GRK5: variants seen among roughly 807,000 people sequenced by gnomAD.
GRK5 encodes the protein g protein-coupled receptor kinase GRK5.
Under a neutral mutation model 78.4 loss-of-function variants are expected in GRK5, and 40 were observed. The observed-to-expected ratio is 0.51, with a 90% CI of 0.40 to 0.66. GRK5 has a LOEUF of 0.66. Among genes scored for constraint, GRK5 ranks in the 30% least tolerant of loss-of-function variants. The probability of loss-of-function intolerance (pLI) is 0.00; values close to 1 mark genes in which losing one functional copy is unlikely to be tolerated. For synonymous variants in GRK5, 289 were observed against 296.8 expected (o/e 0.97, Z 0.27); for missense variants, 598 against 759.9 (o/e 0.79, Z 2.50).
rs188796110 is a variant in GRK5, at chr10:119,264,100, C to T, written c.52+56131C>T. On this transcript the variant is annotated intron_variant, in intron 1 of 15. Transcript: ENST00000392870. This position sits in a 1 kb window ranked among gnomAD's most constrained non-coding sequence, Gnocchi z 4.1. ...GACTTTTCTCAAATGTGATGCTCCT[C>T]AAGAGAGTCTATATTTGTTATCAAA... Among the ~76,000 whole-genome samples the T allele has an allele frequency of 2.6e-5, 4 of 152,234 alleles. No individual in the cohort carries two copies. The highest frequency in any genetic ancestry group is 5.9e-5 in the Non-Finnish European group (4 of 68,038).
chr10:119,330,703 C>T (rs1483331508), intron 2 of GRK5, among the ~76,000 whole-genome samples: 1 of 152,084 alleles, frequency 6.6e-6, no homozygotes, highest in East Asian at 1.9e-4. Flanking sequence ...GTGTCCCTCC[C>T]AGCCCCCTCC....
intron 1 of GRK5, among the ~76,000 whole-genome samples, chr10:119,237,818 G>A (rs1204327820): frequency 6.6e-6 from 1 of 152,122 alleles, no homozygotes; most frequent in Non-Finnish European, 1.5e-5. Flanking sequence ...AAGCAAGTGC[G>A]CTGGGAAATG....
At chr10:119,368,578 A>G (rs1851490426) in intron 2 of GRK5, among the ~76,000 whole-genome samples, 1 of 152,236 alleles carries the variant, frequency 6.6e-6, no homozygotes, top group Non-Finnish European at 1.5e-5. Context: ...AAAAGGGGAA[A>G]CCAAGGTCCA....
chr10:119,329,857 CTTTTT>C lies in GRK5; in HGVS notation c.148+3265_148+3269del, dbSNP rs1177940254. Among the ~76,000 whole-genome samples the C allele has an allele frequency of 5.4e-5, 6 of 110,382 alleles. No homozygotes were observed. In the East Asian group the frequency reaches 1.9e-3, roughly 35 times the overall value. 72.4% of individuals were successfully genotyped at this position (110,382 alleles called of 152,430 possible). ...CACACGCCAGCAACGCAGACACCTACTTTTTTTTTTTTTTTTTTTTTTTGAGATGG... is the reference window on the plus strand; with the variant it reads ...CACACGCCAGCAACGCAGACACCTACTTTTTTTTTTTTTTTTTTGAGATGG... On this transcript the variant is annotated intron_variant, in intron 2 of 15. Coordinates refer to ENST00000392870, the MANE Select transcript of GRK5 (RefSeq NM_005308.3).
chr10:119,407,902 G>T (rs1339674976), intron 4 of GRK5, among the ~76,000 whole-genome samples: 1 of 152,148 alleles, frequency 6.6e-6, no homozygotes, highest in Non-Finnish European at 1.5e-5. Flanking sequence ...GGTGGCTCAC[G>T]CCTGTAATTC....
chr10:119,399,621 A>AT (rs1448557093), intron 4 of GRK5, among the ~76,000 whole-genome samples: 2 of 152,214 alleles, frequency 1.3e-5, no homozygotes, highest in Non-Finnish European at 2.9e-5. Flanking sequence ...CAGCACTGTA[A>AT]TACCATGTCT....
intron 2 of GRK5, among the ~76,000 whole-genome samples, chr10:119,356,234 A>T (rs1174802221): frequency 1.3e-5 from 2 of 152,230 alleles, no homozygotes; most frequent in Non-Finnish European, 2.9e-5. Flanking sequence ...GTATTTCATT[A>T]TTTGATATTC....
chr10:119,295,005 A>G (rs1014828868), intron 1 of GRK5, among the ~76,000 whole-genome samples: 5 of 152,088 alleles, frequency 3.3e-5, no homozygotes, highest in Non-Finnish European at 5.9e-5. Context: ...CCTGGCTAAC[A>G]TGGTGAAACT....
At chr10:119,354,487 G>A (rs1457178915) in intron 2 of GRK5, among the ~76,000 whole-genome samples, 4 of 139,756 alleles carry the variant, frequency 2.9e-5, no homozygotes, top group African/African-American at 1.1e-4. Context: ...CTGCAGCCTC[G>A]ACCTTCCAGG....
At position 119,452,654 on chromosome 10, in the gene GRK5, C is replaced by T; in HGVS notation, c.1405-17C>T. ...GCAGGCGGGACATATGTGTGACCGG[C>T]CCTCTGCCCCTGGCAGCCCCGCGCT... On this transcript the variant is annotated splice_polypyrimidine_tract_variant and intron_variant, in intron 13 of 15. Coordinates refer to ENST00000392870, the MANE Select transcript of GRK5 (RefSeq NM_005308.3). This position sits in a 1 kb window ranked among gnomAD's most constrained non-coding sequence, Gnocchi z 4.4. 1 of 1,613,618 alleles carries T rather than the reference C, an allele frequency of 6.2e-7. No homozygotes were observed. The highest frequency in any genetic ancestry group is 8.5e-7 in the Non-Finnish European group (1 of 1,179,942).
Position 119,423,265 on chromosome 10 carries a change from C to T in GRK5, c.439C>T (p.Gln147Ter). 1 of 1,609,446 alleles carries T rather than the reference C, an allele frequency of 6.2e-7. No individual in the cohort carries two copies. The highest frequency in any genetic ancestry group is 8.5e-7 in the Non-Finnish European group (1 of 1,175,698). Reference protein sequence around the residue: ...PCKELFSACAQSVHEYLRGEP... With the variant: ...PCKELFSACA ...CAAAGAACTCTTTTCTGCCTGTGCACAGTAAGTGCCGTAGTCACCTGGCCT... is the reference window on the plus strand; with the variant it reads ...CAAAGAACTCTTTTCTGCCTGTGCATAGTAAGTGCCGTAGTCACCTGGCCT... The change falls in exon 5 of 16, where the codon CAG becomes TAG. Residue 147 changes from glutamine to a stop codon, truncating the protein, a stop_gained and splice_region_variant. Coordinates refer to ENST00000392870, the MANE Select transcript of GRK5 (RefSeq NM_005308.3). LOFTEE classifies it high-confidence loss of function.
chr10:119,375,014 G>A (rs1159761006), intron 2 of GRK5, among the ~76,000 whole-genome samples: 1 of 152,162 alleles, frequency 6.6e-6, no homozygotes, highest in African/African-American at 2.4e-5. Flanking sequence ...TTATAGCAAT[G>A]CAAGAATGGC....
chr10:119,301,508 A>G (rs949217685), intron 1 of GRK5, among the ~76,000 whole-genome samples: 1 of 152,200 alleles, frequency 6.6e-6, no homozygotes, highest in African/African-American at 2.4e-5. Context: ...CTCCTGTTTT[A>G]TAAGAAAGGA....
intron 1 of GRK5, among the ~76,000 whole-genome samples, chr10:119,228,880 G>A (rs754636923): frequency 1.6e-4 from 24 of 152,118 alleles, no homozygotes; most frequent in Non-Finnish European, 2.6e-4. Flanking sequence ...ATCTCAGCAA[G>A]GGTTGGCCTT....
rs111991123 is a variant in GRK5, at chr10:119,411,331, C to G, written c.340-11835C>G. ...CTGAACACTGTGTCATGGTGTCACT[C>G]CCACTTTCTCCTCCGCCAGACACAC... On this transcript the variant is annotated intron_variant, in intron 4 of 15. Transcript: ENST00000392870. Among the ~76,000 whole-genome samples the G allele has an allele frequency of 1.6e-3, 238 of 152,286 alleles. 1 individual carries two copies. Among genetic ancestry groups the G allele is most frequent in the African/African-American group, 5.1e-3 (210 of 41,534 alleles).
At chr10:119,342,216 G>A (rs1012745730) in intron 2 of GRK5, among the ~76,000 whole-genome samples, 1 of 152,230 alleles carries the variant, frequency 6.6e-6, no homozygotes, top group African/African-American at 2.4e-5. Context: ...CACAGCCTTG[G>A]AGTGCTGAAC....
Position 119,359,401 on chromosome 10 carries a change from C to T in GRK5, c.149-21414C>T, listed in dbSNP as rs140708565. 4.9e-4 allele frequency among the ~76,000 whole-genome samples: 75 copies of T among 152,324 alleles called. No homozygotes were observed. The East Asian group carries it at 0.012, about 24-fold the overall frequency. The stretch of plus-strand genomic sequence containing the variant: ...GCAAGAGGGGAGCCTCCGGGTCCTG[C>T]GTGGCCCAGCAAGGCAGCTGTGGGT... On this transcript the variant is annotated intron_variant, in intron 2 of 15. Transcript: ENST00000392870.
chr10:119,285,394 G>A (rs1402467016), intron 1 of GRK5, among the ~76,000 whole-genome samples: 4 of 152,342 alleles, frequency 2.6e-5, no homozygotes, highest in African/African-American at 9.6e-5. Context: ...CTCGATTCCT[G>A]GGTTGGGGGC....
intron 2 of GRK5, among the ~76,000 whole-genome samples, chr10:119,359,930 G>A (rs1184446793): frequency 6.6e-6 from 1 of 152,070 alleles, no homozygotes; most frequent in Non-Finnish European, 1.5e-5. Context: ...GCTGAAGGGA[G>A]GTTGAGGAGA....
Sources: allele counts gnomAD v4.1 joint callset (sites outside exome capture counted in the v4.1 genomes callset), GRCh38; gene constraint gnomAD v4.1.1; non-coding constraint Gnocchi (gnomAD v3.1); transcripts MANE v1.5; gene names NCBI Gene and HGNC (gene_info 2026-07-23, HGNC 2026-07-21).